EPYC: variants seen among roughly 807,000 people sequenced by gnomAD.
EPYC encodes epiphycan, also known as dermatan sulfate proteoglycan 3.
In EPYC, 28 loss-of-function variants were observed where a neutral mutation model predicts 30.1. The observed-to-expected ratio is 0.93, with a 90% CI of 0.69 to 1.28. The LOEUF is 1.28. Ranked by LOEUF, EPYC falls within the 50% of genes most tolerant of loss-of-function variation. The pLI is 0.00. For synonymous variants in EPYC, 144 were observed against 141.4 expected (o/e 1.02, Z -0.13); for missense variants, 382 against 383.5 (o/e 1.00, Z 0.03).
At chr12:91,002,289 C>T in intron 2 of EPYC, 112 bp downstream of exon 2, 2 of 682,876 alleles carry the variant, frequency 2.9e-6, no homozygotes, top group South Asian at 2.3e-5. Flanking sequence ...AAATTATTAA[C>T]ATAAAATCTT....
chr12:90,972,666 TAAAGC>T (rs986733669), intron 4 of EPYC, 151 bp downstream of exon 4: 1 of 639,760 alleles, frequency 1.6e-6, no homozygotes, highest in African/African-American at 1.8e-5. Context: ...TTATAATTGT[TAAAGC>T]AAACTCTCAA....
intron 2 of EPYC, among the ~76,000 whole-genome samples, chr12:90,992,560 G>A (rs1287499297): frequency 1.3e-5 from 2 of 152,098 alleles, no homozygotes; most frequent in Non-Finnish European, 2.9e-5. Flanking sequence ...AGAAAGATAG[G>A]TCTTAGCACA....
chr12:91,000,220 T>C (rs942591734), intron 2 of EPYC, among the ~76,000 whole-genome samples: 12 of 152,012 alleles, frequency 7.9e-5, no homozygotes, highest in African/African-American at 2.4e-4. Context: ...TAAGTTTGGT[T>C]TGAAGTAAAA....
chr12:90,983,340 TG>T (rs909011076), intron 2 of EPYC, among the ~76,000 whole-genome samples: 2 of 152,132 alleles, frequency 1.3e-5, no homozygotes, highest in Non-Finnish European at 2.9e-5. Flanking sequence ...CCCTTTAGCT[TG>T]CTATTCTGTC....
chr12:90,985,561 C>T (rs1374138219), intron 2 of EPYC, among the ~76,000 whole-genome samples: 1 of 152,162 alleles, frequency 6.6e-6, no homozygotes, highest in Non-Finnish European at 1.5e-5. Context: ...GGCTCTCAGA[C>T]AAACAAACCT....
intron 2 of EPYC, among the ~76,000 whole-genome samples, chr12:90,983,004 A>T (rs73371238): frequency 4.9e-4 from 74 of 152,264 alleles, no homozygotes; most frequent in African/African-American, 1.8e-3. Flanking sequence ...ATATATACCC[A>T]GTAGTGGGCT....
intron 2 of EPYC, among the ~76,000 whole-genome samples, chr12:90,983,655 G>A (rs1261774920): frequency 6.6e-6 from 1 of 152,082 alleles, no homozygotes; most frequent in Non-Finnish European, 1.5e-5. Flanking sequence ...GCCCAAGTGA[G>A]ACTCGCCCAT....
intron 4 of EPYC, 148 bp from the exon 5 acceptor site, chr12:90,972,150 C>T: frequency 3.6e-6 from 2 of 554,332 alleles, no homozygotes; most frequent in Middle Eastern, 4.8e-4. Flanking sequence ...AAAATTATTT[C>T]CTCCAAATAC....
intron 2 of EPYC, among the ~76,000 whole-genome samples, chr12:90,993,499 G>A (rs143231490): frequency 0.011 from 1,643 of 152,072 alleles, 15 homozygotes; most frequent in Middle Eastern, 0.017. Context: ...CAAGTATAGG[G>A]GTTCCCTAAA....
intron 2 of EPYC, among the ~76,000 whole-genome samples, chr12:90,983,584 G>A (rs1021421398): frequency 4.6e-5 from 7 of 152,026 alleles, no homozygotes; most frequent in Non-Finnish European, 7.4e-5. Flanking sequence ...ATTCAGCTCC[G>A]GGGTCCCAAC....
Position 90,972,999 on chromosome 12 carries a change from TA to T in EPYC, c.341-20del, listed in dbSNP as rs1252789315. The T allele has an allele frequency of 6.6e-7, 1 of 1,513,158 alleles. No individual in the cohort carries two copies. The highest frequency in any genetic ancestry group is 1.9e-5 in the Admixed American group (1 of 52,766). 93.7% of individuals were successfully genotyped at this position (1,513,158 alleles called of 1,614,324 possible). A position where few individuals can be genotyped will look rare whatever the true frequency, so the allele number is the denominator to read the frequency against. Reference sequence around the variant, plus strand: ...GGAAAGTCTAAAAGATAAAGGAAAATAAAATTAAATGTAAGTACCAAATCAA... The same window carrying T: ...GGAAAGTCTAAAAGATAAAGGAAAATAAATTAAATGTAAGTACCAAATCAA... On this transcript the variant is annotated intron_variant, in intron 3 of 6. Transcript: ENST00000261172.
At chr12:90,984,141 T>C (rs781510877) in intron 2 of EPYC, among the ~76,000 whole-genome samples, 1 of 152,126 alleles carries the variant, frequency 6.6e-6, no homozygotes. Flanking sequence ...AAGGTCCCAA[T>C]ACTAACAGGA....
At chr12:90,972,794 T>A in intron 4 of EPYC, 28 bp downstream of exon 4, 1 of 1,604,068 alleles carries the variant, frequency 6.2e-7, no homozygotes, top group Non-Finnish European at 8.5e-7. Flanking sequence ...TGTAAAGCGG[T>A]GAAGGCCGTT....
At position 90,974,622 on chromosome 12, in the gene EPYC, C is replaced by T. The variant is rs533440476; in HGVS notation, c.341-1642G>A. The stretch of plus-strand genomic sequence containing the variant: ...TCAAAGAACATGGAAAGATTTTCAT[C>T]CCACTTGTGGAAGGACAGAGTGTCT... On this transcript the variant is annotated intron_variant, in intron 3 of 6. Transcript: ENST00000261172. Among the ~76,000 whole-genome samples, 13 of 152,136 alleles carry T rather than the reference C, an allele frequency of 8.5e-5. No individual in the cohort carries two copies. In the South Asian group the frequency reaches 2.7e-3, roughly 32 times the overall value.
chr12:90,976,776 A>C (rs577228744), intron 3 of EPYC, among the ~76,000 whole-genome samples: 43 of 152,200 alleles, frequency 2.8e-4, no homozygotes, highest in Middle Eastern at 6.8e-3. Context: ...AGTGGGAGAT[A>C]ACTGAATCAT....
At chr12:90,986,834 G>T (rs1387140075) in intron 2 of EPYC, among the ~76,000 whole-genome samples, 2 of 152,170 alleles carry the variant, frequency 1.3e-5, no homozygotes, top group African/African-American at 2.4e-5. Context: ...CACAGCAAAA[G>T]CTAACTGATA....
intron 2 of EPYC, among the ~76,000 whole-genome samples, chr12:90,990,139 C>A (rs1877548288): frequency 6.6e-6 from 1 of 151,970 alleles, no homozygotes; most frequent in Admixed American, 6.6e-5. Flanking sequence ...ATATTTGGAA[C>A]CTTCAAAACT....
In EPYC at chr12:90,977,587, T is replaced by C. The variant is rs1218064805; in HGVS notation, c.340+501A>G. Among the ~76,000 whole-genome samples, 3 of 152,154 alleles carry C rather than the reference T, an allele frequency of 2.0e-5. No homozygotes were observed. The East Asian group carries it at 5.8e-4, about 29-fold the overall frequency. ...CTTTGAATTATGGTTTTCTCCATGA[T>C]AATGAGAAGAGTAATATTAACACTC... On this transcript the variant is annotated intron_variant, in intron 3 of 6. Transcript: ENST00000261172.
intron 2 of EPYC, among the ~76,000 whole-genome samples, chr12:90,986,381 T>C (rs1234366890): frequency 6.6e-6 from 1 of 152,094 alleles, no homozygotes; most frequent in Non-Finnish European, 1.5e-5. Context: ...ACCCCAATTC[T>C]AGGAGTACAA....
Sources: gnomAD v4.1 joint callset for allele counts (sites outside exome capture counted in the v4.1 genomes callset) on GRCh38, gnomAD v4.1.1 for gene constraint, MANE v1.5 for transcripts, NCBI Gene and HGNC (gene_info 2026-07-23, HGNC 2026-07-21) for gene names.